Variants in SP4 observed in about 807,000 individuals in gnomAD.
The protein encoded by SP4 is transcription factor Sp4.
In SP4, 19 loss-of-function variants were observed where a neutral mutation model predicts 72.8. That is an observed-to-expected ratio of 0.26 (90% CI 0.18 to 0.38). The LOEUF (loss-of-function observed/expected upper bound fraction) is 0.38. SP4 is among the 10% of genes least tolerant of loss of function. The pLI is 1.00. For synonymous variants in SP4, 395 were observed against 333.1 expected, an observed-to-expected ratio of 1.19 and a Z score of -2.02; for missense variants, 1,008 against 926.3, an observed-to-expected ratio of 1.09 and a Z score of -1.14.
At chr7:21,435,313 C>G (rs375447026) in intron 3 of SP4, among the ~76,000 whole-genome samples, 5 of 152,240 alleles carry the variant, frequency 3.3e-5, no homozygotes, top group African/African-American at 1.2e-4. Flanking sequence ...TTCTTTACTT[C>G]TCCAAGGAAT....
intron 5 of SP4, chr7:21,482,938 T>A (rs547865747): frequency 5.7e-5 from 10 of 176,496 alleles, no homozygotes; most frequent in Admixed American, 5.2e-4. Context: ...TGCTAGGGTT[T>A]GTGTGTGCTA....
rs775843294 is a variant in SP4 at position 21,482,050 on chromosome 7, A to T, written c.2034A>T (p.Ile678=). The change falls in exon 5 of 6, where the codon ATA becomes ATT. Residue 678 remains isoleucine (I), a synonymous_variant. Transcript: ENST00000222584. ...LRWHTGERPF[I]CNWMFCGKRF... is the part of the protein sequence containing the mutation. ...GGCATACTGGAGAAAGACCTTTTATATGCAACTGGATGTTTTGTGGCAAAA... is the reference window on the plus strand; with the variant it reads ...GGCATACTGGAGAAAGACCTTTTATTTGCAACTGGATGTTTTGTGGCAAAA... The T allele has an allele frequency of 6.2e-6, 10 of 1,614,048 alleles. No individual in the cohort carries two copies. Among genetic ancestry groups the T allele is most frequent in the Non-Finnish European group, 8.5e-7 (1 of 1,179,924 alleles).
chr7:21,428,197 C>CCCCCCCCCCCCCCAA lies in SP4; in HGVS notation c.-53_-52insCCCCCCCCCCCAACC. ...CCTCTCCTCCCGCCTCGCCCCCACC[C>CCCCCCCCCCCCCCAA]CCACCCACCTCTATCCCAGTGTCTC... is the stretch of plus-strand genomic sequence containing the variant. On this transcript the variant is annotated 5_prime_UTR_variant, in exon 1 of 6. Coordinates refer to ENST00000222584, the MANE Select transcript of SP4 (RefSeq NM_003112.5). The CCCCCCCCCCCCCCAA allele has an allele frequency of 9.5e-7, 1 of 1,048,490 alleles. No homozygotes were observed. The allele number at this position is 1,048,490 out of a possible 1,614,324, so 64.9% of individuals were successfully genotyped here. A position where few individuals can be genotyped will look rare whatever the true frequency, so the allele number is the denominator to read the frequency against.
chr7:21,460,788 C>T (rs1160208618), intron 3 of SP4, among the ~76,000 whole-genome samples: 1 of 152,074 alleles, frequency 6.6e-6, no homozygotes, highest in Non-Finnish European at 1.5e-5. Flanking sequence ...GGTGTATTTA[C>T]AAACCCTGAG....
intron 3 of SP4, among the ~76,000 whole-genome samples, chr7:21,463,982 A>G (rs1784081567): frequency 6.6e-6 from 1 of 152,196 alleles, no homozygotes; most frequent in Non-Finnish European, 1.5e-5. Context: ...AAATCATGTT[A>G]CTTTAGTGGG....
intron 3 of SP4, among the ~76,000 whole-genome samples, chr7:21,441,627 A>G (rs1370560142): frequency 6.6e-6 from 1 of 152,196 alleles, no homozygotes; most frequent in Non-Finnish European, 1.5e-5. Flanking sequence ...AGTGTAGAAA[A>G]GTTAGAAAGC....
rs866788810 is a variant in SP4, at chr7:21,514,382, G to T, written c.*3113G>T. ...GTTTTTTTATGCATGTCACTAAGTT[G>T]TCATCCCACATAAATTGATGTGCAG... On this transcript the variant is annotated 3_prime_UTR_variant, in exon 6 of 6. Transcript: ENST00000222584. 100 of 152,448 alleles carry T rather than the reference G, an allele frequency of 6.6e-4. 1 individual carries two copies. Among genetic ancestry groups the T allele is most frequent in the African/African-American group, 2.1e-3 (88 of 41,478 alleles). 9.4% of individuals were successfully genotyped at this position (152,448 alleles called of 1,614,324 possible). A position where few individuals can be genotyped will look rare whatever the true frequency, so the allele number is the denominator to read the frequency against.
chr7:21,430,691 A>G lies in SP4; in HGVS notation c.1526A>G (p.Gln509Arg). 2 of 1,614,218 alleles carry G rather than the reference A, an allele frequency of 1.2e-6. No individual in the cohort carries two copies. Among genetic ancestry groups the G allele is most frequent in the Non-Finnish European group, 1.7e-6 (2 of 1,180,036 alleles). Residue 509 changes from glutamine (Q) to arginine (R), a missense_variant, in exon 3 of 6, where the codon CAG (glutamine) becomes CGG (arginine). Transcript: ENST00000222584. ...VSSSGGTTLA[Q>R]IAPVAVAGAP... ...TCAAGTGGTGGCACAACTCTTGCTC[A>G]GATTGCTCCTGTGGCTGTTGCTGGT...
At chr7:21,458,684 C>A (rs6954187) in intron 3 of SP4, among the ~76,000 whole-genome samples, 30,991 of 151,804 alleles carry the variant, frequency 0.2, 3,280 homozygotes, top group Middle Eastern at 0.4. Context: ...CTCTTTTCAC[C>A]TTAATTGGAG....
At chr7:21,461,935 AC>A (rs1216589953) in intron 3 of SP4, among the ~76,000 whole-genome samples, 1 of 152,184 alleles carries the variant, frequency 6.6e-6, no homozygotes, top group Non-Finnish European at 1.5e-5. Flanking sequence ...ACGATGTCAG[AC>A]CAAGGACAGG....
At chr7:21,481,287 T>G (rs550126326) in intron 4 of SP4, among the ~76,000 whole-genome samples, 10 of 151,998 alleles carry the variant, frequency 6.6e-5, no homozygotes, top group Admixed American at 5.9e-4. Context: ...GTGGGAAGAG[T>G]AGGAATCATA....
chr7:21,484,969 A>G (rs942806719), intron 5 of SP4, among the ~76,000 whole-genome samples: 2 of 151,920 alleles, frequency 1.3e-5, no homozygotes, highest in Non-Finnish European at 2.9e-5. Flanking sequence ...TCATAATCCA[A>G]TATACTTTAA....
chr7:21,498,717 A>T (rs776515159), intron 5 of SP4, among the ~76,000 whole-genome samples: 5 of 152,230 alleles, frequency 3.3e-5, no homozygotes, highest in Non-Finnish European at 7.3e-5. Flanking sequence ...AGAAGCCTTA[A>T]TGATCATAGT....
intron 3 of SP4, among the ~76,000 whole-genome samples, chr7:21,465,812 A>G (rs1007913811): frequency 7.2e-5 from 11 of 152,174 alleles, no homozygotes; most frequent in South Asian, 2.1e-4. Flanking sequence ...ACAGTGAGCT[A>G]TGATTGCACT....
At chr7:21,457,403 C>T (rs1783801027) in intron 3 of SP4, among the ~76,000 whole-genome samples, 1 of 152,102 alleles carries the variant, frequency 6.6e-6, no homozygotes, top group African/African-American at 2.4e-5. Context: ...TCGCTTCCTC[C>T]AGTGTATAGA....
At chr7:21,458,647 C>T (rs1251465314) in intron 3 of SP4, among the ~76,000 whole-genome samples, 1 of 151,948 alleles carries the variant, frequency 6.6e-6, no homozygotes, top group Admixed American at 6.6e-5. Flanking sequence ...TTTTTAAATC[C>T]TCCTTTTCCC....
intron 5 of SP4, among the ~76,000 whole-genome samples, chr7:21,484,182 C>T (rs1434602181): frequency 1.3e-5 from 2 of 151,502 alleles, no homozygotes; most frequent in African/African-American, 4.8e-5. Flanking sequence ...GATTGAGTAC[C>T]CCTTGTCTGA....
chr7:21,449,695 CTT>C (rs1204216045), intron 3 of SP4, among the ~76,000 whole-genome samples: 1 of 152,152 alleles, frequency 6.6e-6, no homozygotes, highest in Admixed American at 6.5e-5. Context: ...GTTCTGCTCT[CTT>C]TGTTTATAAA....
chr7:21,481,631 A>G (rs1784691965), intron 4 of SP4, among the ~76,000 whole-genome samples: 2 of 152,162 alleles, frequency 1.3e-5, no homozygotes, highest in African/African-American at 2.4e-5. Flanking sequence ...AGTGTTTTGA[A>G]AGGCTTAGAG....
Sources: allele counts gnomAD v4.1 joint callset (sites outside exome capture counted in the v4.1 genomes callset), GRCh38; gene constraint gnomAD v4.1.1; transcripts MANE v1.5; gene names NCBI Gene and HGNC (gene_info 2026-07-23, HGNC 2026-07-21).